Variants in ARHGAP42 observed in about 807,000 individuals in gnomAD.
ARHGAP42 encodes the protein rho GTPase-activating protein 42.
A neutral mutation model predicts 125.0 loss-of-function variants in ARHGAP42; 63 were observed. That is an observed-to-expected ratio of 0.50 (90% CI 0.41 to 0.62). The LOEUF (loss-of-function observed/expected upper bound fraction) is 0.62. Ranked by LOEUF, ARHGAP42 falls within the 20% of genes least tolerant of loss-of-function variation. ARHGAP42 has a pLI of 0.00. For missense variants in ARHGAP42, 766 were observed against 1,024.2 expected (o/e 0.75, Z 3.44); for synonymous variants, 339 against 351.0 (o/e 0.97, Z 0.38).
intron 3 of ARHGAP42, among the ~76,000 whole-genome samples, chr11:100,800,608 G>T (rs1034715285): frequency 6.6e-6 from 1 of 152,126 alleles, no homozygotes; most frequent in Non-Finnish European, 1.5e-5. Flanking sequence ...AGGAAGATCC[G>T]ACCACCCATT....
intron 2 of ARHGAP42, among the ~76,000 whole-genome samples, chr11:100,781,619 C>T (rs1199518323): frequency 6.6e-6 from 1 of 152,014 alleles, no homozygotes; most frequent in African/African-American, 2.4e-5. Context: ...TAAATCCTCA[C>T]CCCAAGGGGG....
At chr11:100,937,728 A>G (rs1316305885) in intron 8 of ARHGAP42, among the ~76,000 whole-genome samples, 1 of 152,222 alleles carries the variant, frequency 6.6e-6, no homozygotes, top group African/African-American at 2.4e-5. Flanking sequence ...TGGGCACACA[A>G]TATTTTATTC....
chr11:100,953,340 T>C (rs562368311), intron 12 of ARHGAP42, among the ~76,000 whole-genome samples: 2 of 152,318 alleles, frequency 1.3e-5, no homozygotes, highest in Admixed American at 1.3e-4. Context: ...AACTCAGTTT[T>C]GCATAATATG....
chr11:100,694,349 C>A (rs977155278), intron 1 of ARHGAP42, among the ~76,000 whole-genome samples: 3 of 152,050 alleles, frequency 2.0e-5, no homozygotes, highest in Non-Finnish European at 4.4e-5. Flanking sequence ...GGATATTAAG[C>A]TGCATTAAGT....
rs529416055 is a variant in ARHGAP42, at chr11:100,733,941, T to G, written c.155-36402T>G. Among the ~76,000 whole-genome samples, 46 of 146,578 alleles carry G rather than the reference T, an allele frequency of 3.1e-4. No homozygotes were observed. The South Asian group carries it at 4.1e-3, about 13-fold the overall frequency. On this transcript the variant is annotated intron_variant, in intron 1 of 23. Coordinates refer to ENST00000298815, the MANE Select transcript of ARHGAP42 (RefSeq NM_152432.4). Reference sequence around the variant, plus strand: ...TCCAAAGCAAAGTTGTTTTTTTTTTTTTTTTTTTTTTTAAATGGAGTCTAG... The same window carrying G: ...TCCAAAGCAAAGTTGTTTTTTTTTTGTTTTTTTTTTTTAAATGGAGTCTAG...
chr11:100,928,652 A>G (rs1173300677), intron 6 of ARHGAP42, among the ~76,000 whole-genome samples: 1 of 152,182 alleles, frequency 6.6e-6, no homozygotes, highest in Admixed American at 6.5e-5. Context: ...TTTAAACTAT[A>G]CAATTCAATG....
At chr11:100,972,244 A>G (rs1205100776) in intron 17 of ARHGAP42, among the ~76,000 whole-genome samples, 1 of 152,180 alleles carries the variant, frequency 6.6e-6, no homozygotes, top group Non-Finnish European at 1.5e-5. Flanking sequence ...TATACTAATA[A>G]CCTGACTTGG....
chr11:100,793,052 C>T (rs906115140), intron 2 of ARHGAP42, among the ~76,000 whole-genome samples: 1 of 152,110 alleles, frequency 6.6e-6, no homozygotes, highest in African/African-American at 2.4e-5. Flanking sequence ...CCGCGCCCAG[C>T]CAGAATTTTC....
intron 1 of ARHGAP42, among the ~76,000 whole-genome samples, chr11:100,693,470 T>A (rs545532171): frequency 6.6e-6 from 1 of 152,332 alleles, no homozygotes; most frequent in South Asian, 2.1e-4. Flanking sequence ...TTAATTTAAA[T>A]GTGAGCCTTG....
At chr11:100,866,046 A>T (rs1182504992) in intron 4 of ARHGAP42, among the ~76,000 whole-genome samples, 1 of 152,234 alleles carries the variant, frequency 6.6e-6, no homozygotes, top group East Asian at 1.9e-4. Context: ...CAATTCCCTC[A>T]AACACTGCTT....
At chr11:100,882,455 G>T (rs918616459) in intron 4 of ARHGAP42, among the ~76,000 whole-genome samples, 1 of 150,458 alleles carries the variant, frequency 6.6e-6, no homozygotes. Flanking sequence ...ACATCATCAT[G>T]GTGGGTTAGC....
At chr11:100,898,200 C>T (rs554158897) in intron 4 of ARHGAP42, among the ~76,000 whole-genome samples, 1 of 152,226 alleles carries the variant, frequency 6.6e-6, no homozygotes, top group African/African-American at 2.4e-5. Context: ...CCAACTTGAT[C>T]GTGGTGGATA....
chr11:100,974,392 C>T, intron 18 of ARHGAP42, 67 bp from the exon 19 acceptor site: 1 of 1,452,614 alleles, frequency 6.9e-7, no homozygotes, highest in Non-Finnish European at 9.3e-7. Context: ...TGGTTCAAAG[C>T]TTATTTTATA....
At chr11:100,688,018 T>A (rs1003398830) in intron 1 of ARHGAP42, 186 bp downstream of exon 1, 2 of 566,088 alleles carry the variant, frequency 3.5e-6, no homozygotes, top group Non-Finnish European at 5.9e-6. Flanking sequence ...CTTACTCACA[T>A]GTCTACAGGG....
chr11:100,920,447 G>A (rs1045331916), intron 5 of ARHGAP42, among the ~76,000 whole-genome samples: 1 of 151,532 alleles, frequency 6.6e-6, no homozygotes, highest in African/African-American at 2.4e-5. Context: ...AATTTTGTTT[G>A]TGAAACCACC....
intron 4 of ARHGAP42, among the ~76,000 whole-genome samples, chr11:100,911,151 C>T (rs977332050): frequency 6.6e-6 from 1 of 152,120 alleles, no homozygotes; most frequent in Non-Finnish European, 1.5e-5. Flanking sequence ...GCTGGTTGCT[C>T]ACTTAGTGGA....
chr11:100,952,660 A>G (rs1857693350), intron 12 of ARHGAP42, among the ~76,000 whole-genome samples: 2 of 151,354 alleles, frequency 1.3e-5, no homozygotes, highest in African/African-American at 4.9e-5. Context: ...ACAGGATTGG[A>G]CTCACTTTCC....
chr11:100,893,733 G>A (rs1056648846), intron 4 of ARHGAP42, among the ~76,000 whole-genome samples: 1 of 151,992 alleles, frequency 6.6e-6, no homozygotes, highest in Non-Finnish European at 1.5e-5. Context: ...TTGAATTTTT[G>A]GTAACCACAG....
intron 1 of ARHGAP42, among the ~76,000 whole-genome samples, chr11:100,764,611 A>G (rs1862787787): frequency 6.6e-6 from 1 of 152,202 alleles, no homozygotes; most frequent in Non-Finnish European, 1.5e-5. Context: ...CATCATCATT[A>G]TTTCTGAAAG....
Sources: gnomAD v4.1 joint callset for allele counts (sites outside exome capture counted in the v4.1 genomes callset) on GRCh38, gnomAD v4.1.1 for gene constraint, MANE v1.5 for transcripts, NCBI Gene and HGNC (gene_info 2026-07-23, HGNC 2026-07-21) for gene names.